Variants in ERBB4 observed in about 807,000 individuals in gnomAD.
ERBB4 encodes receptor tyrosine-protein kinase erbB-4.
Under a neutral mutation model 158.0 loss-of-function variants are expected in ERBB4, and 42 were observed. That is an observed-to-expected ratio of 0.27 (90% CI 0.21 to 0.34). The LOEUF is 0.34. Among genes scored for constraint, ERBB4 ranks in the 10% least tolerant of loss-of-function variants. ERBB4 has a pLI of 1.00. For synonymous variants in ERBB4, 583 were observed against 558.7 expected (o/e 1.04, Z -0.61); for missense variants, 1,333 against 1,624.1 (o/e 0.82, Z 3.08).
At chr2:211,444,995 A>T (rs2064074127) in intron 20 of ERBB4, among the ~76,000 whole-genome samples, 1 of 152,154 alleles carries the variant, frequency 6.6e-6, no homozygotes, top group South Asian at 2.1e-4. Flanking sequence ...CATTCTAGAC[A>T]TAATAAAAAG....
At chr2:212,393,984 T>G (rs771631960) in intron 1 of ERBB4, among the ~76,000 whole-genome samples, 1 of 152,094 alleles carries the variant, frequency 6.6e-6, no homozygotes, top group Non-Finnish European at 1.5e-5. Context: ...TATGGCAAAA[T>G]TTCTATTAGT....
chr2:212,009,812 C>T (rs1338887517), intron 2 of ERBB4, among the ~76,000 whole-genome samples: 1 of 152,104 alleles, frequency 6.6e-6, no homozygotes, highest in East Asian at 1.9e-4. Context: ...TCTTTGACAA[C>T]CTGTTGCTTC....
intron 3 of ERBB4, among the ~76,000 whole-genome samples, chr2:211,793,191 T>G (rs1383701851): frequency 6.6e-6 from 1 of 151,864 alleles, no homozygotes; most frequent in East Asian, 1.9e-4. Flanking sequence ...TTAAATGCAG[T>G]TACACTATAT....
At chr2:211,460,963 T>A (rs2064514659) in intron 20 of ERBB4, among the ~76,000 whole-genome samples, 1 of 152,268 alleles carries the variant, frequency 6.6e-6, no homozygotes, top group East Asian at 1.9e-4. Flanking sequence ...GTATTTCCTT[T>A]GTTATTTCTT....
At chr2:211,699,310 T>A (rs1244733311) in intron 12 of ERBB4, among the ~76,000 whole-genome samples, 1 of 140,846 alleles carries the variant, frequency 7.1e-6, no homozygotes, top group Non-Finnish European at 1.6e-5. Flanking sequence ...CATGTGCGTA[T>A]GCTCATGTAC....
intron 2 of ERBB4, among the ~76,000 whole-genome samples, chr2:212,101,963 G>A (rs531409756): frequency 6.6e-6 from 1 of 151,426 alleles, no homozygotes; most frequent in Non-Finnish European, 1.5e-5. Context: ...CACAGTATTA[G>A]TTCCTTTGTA....
intron 1 of ERBB4, among the ~76,000 whole-genome samples, chr2:212,198,733 C>CTTTTTTTTTTT (rs11448093): frequency 9.3e-5 from 9 of 96,426 alleles, no homozygotes; most frequent in African/African-American, 3.2e-4. Flanking sequence ...TCACCACGCC[C>CTTTTTTTTTTT]TTTTTTTTTT....
At chr2:212,398,059 TATATA>T (rs1407236196) in intron 1 of ERBB4, among the ~76,000 whole-genome samples, 1 of 151,804 alleles carries the variant, frequency 6.6e-6, no homozygotes, top group Non-Finnish European at 1.5e-5. Flanking sequence ...AACTCATATA[TATATA>T]AATTAATGAT....
In ERBB4 at chr2:212,353,718, A is replaced by G. The variant is rs574213938; in HGVS notation, c.82+184731T>C. ...AGTGTGTAAAAGTGTGTGTATGGGG[A>G]AATAAATTATGAAACATCAGGCTGT... On this transcript the variant is annotated intron_variant, in intron 1 of 27. Transcript: ENST00000342788. 2.0e-5 allele frequency among the ~76,000 whole-genome samples: 3 copies of G among 152,238 alleles called. No homozygotes were observed. The East Asian group carries it at 5.8e-4, about 29-fold the overall frequency.
chr2:211,435,644 C>T (rs1285246786), intron 20 of ERBB4, among the ~76,000 whole-genome samples: 2 of 152,108 alleles, frequency 1.3e-5, no homozygotes, highest in African/African-American at 4.8e-5. Flanking sequence ...GAGGCTGAAC[C>T]CAGTTGTGAA....
At chr2:212,237,309 T>G (rs2083916546) in intron 1 of ERBB4, among the ~76,000 whole-genome samples, 1 of 152,188 alleles carries the variant, frequency 6.6e-6, no homozygotes, top group Non-Finnish European at 1.5e-5. Flanking sequence ...TTCTATTTGT[T>G]AGTTTTCCTT....
chr2:212,286,992 A>C (rs1373068385), intron 1 of ERBB4, among the ~76,000 whole-genome samples: 1 of 151,428 alleles, frequency 6.6e-6, no homozygotes, highest in Non-Finnish European at 1.5e-5. Context: ...GAGGGGCCCA[A>C]GGTAGGAGAG....
chr2:212,111,209 C>A (rs1354953851), intron 2 of ERBB4, among the ~76,000 whole-genome samples: 1 of 152,150 alleles, frequency 6.6e-6, no homozygotes. Context: ...CCTTTATATG[C>A]AGTTAGTTGT....
chr2:212,320,651 T>C (rs561726667), intron 1 of ERBB4, among the ~76,000 whole-genome samples: 5 of 149,692 alleles, frequency 3.3e-5, no homozygotes, highest in East Asian at 2.0e-4. Flanking sequence ...AAGACAAGCA[T>C]TGGGACACAG....
chr2:211,540,401 T>C (rs1344493282), intron 20 of ERBB4, among the ~76,000 whole-genome samples: 1 of 151,794 alleles, frequency 6.6e-6, no homozygotes, highest in African/African-American at 2.4e-5. Flanking sequence ...ATAAACTAAA[T>C]AGATGTTTTA....
chr2:212,237,910 T>C (rs1322091663), intron 1 of ERBB4, among the ~76,000 whole-genome samples: 3 of 152,128 alleles, frequency 2.0e-5, no homozygotes, highest in Non-Finnish European at 4.4e-5. Context: ...GTCTCAGTAA[T>C]AGCGGACGCC....
chr2:211,448,312 G>A (rs563002940), intron 20 of ERBB4, among the ~76,000 whole-genome samples: 2 of 152,144 alleles, frequency 1.3e-5, no homozygotes, highest in African/African-American at 4.8e-5. Context: ...TATCACAAAG[G>A]TAGACTCTGC....
In ERBB4 at chr2:211,750,629, GA is replaced by G. The variant is rs2075104892; in HGVS notation, c.622+9del. 6.2e-7 allele frequency: 1 copy of G among 1,612,140 alleles called. No homozygotes were observed. Among genetic ancestry groups the G allele is most frequent in the South Asian group, 1.1e-5 (1 of 91,024 alleles). ...ATCAAACCTGTGTGCTCTCACTGAT[GA>G]ACACTTACAAGTCTGGCAATGATTT... On this transcript the variant is annotated intron_variant, in intron 5 of 27. Coordinates refer to ENST00000342788, the MANE Select transcript of ERBB4 (RefSeq NM_005235.3).
chr2:211,753,764 T>A (rs1040721592), intron 4 of ERBB4, among the ~76,000 whole-genome samples: 16 of 148,020 alleles, frequency 1.1e-4, no homozygotes, highest in Non-Finnish European at 1.5e-4. Flanking sequence ...ATATATATAT[T>A]ATACATATAT....
Sources: allele counts gnomAD v4.1 joint callset (sites outside exome capture counted in the v4.1 genomes callset), GRCh38; gene constraint gnomAD v4.1.1; transcripts MANE v1.5; gene names NCBI Gene and HGNC (gene_info 2026-07-23, HGNC 2026-07-21).